ARL15: variants seen among roughly 807,000 people sequenced by gnomAD.
ARL15 encodes ARF like GTPase 15.
In ARL15, 19 loss-of-function variants were observed where a neutral mutation model predicts 25.2. The observed-to-expected ratio is 0.75, with a 90% confidence interval of 0.53 to 1.10. The LOEUF is 1.10. ARL15 is among the 50% of genes least tolerant of loss of function. ARL15 has a pLI of 0.00. For synonymous variants in ARL15, 94 were observed against 86.8 expected (o/e 1.08, Z -0.46); for missense variants, 220 against 246.0 (o/e 0.89, Z 0.71).
intron 4 of ARL15, among the ~76,000 whole-genome samples, chr5:54,006,812 G>A (rs988967284): frequency 6.6e-6 from 1 of 151,994 alleles, no homozygotes; most frequent in South Asian, 2.1e-4. Flanking sequence ...TAAAACAGGC[G>A]GGGTGCGGTG....
intron 4 of ARL15, among the ~76,000 whole-genome samples, chr5:53,926,256 C>T (rs1051655339): frequency 5.3e-5 from 8 of 151,978 alleles, no homozygotes; most frequent in Non-Finnish European, 1.2e-4. Flanking sequence ...TGCAGAGATG[C>T]GGGCAGGAGG....
intron 3 of ARL15, among the ~76,000 whole-genome samples, chr5:54,125,976 T>G (rs1260648229): frequency 6.6e-6 from 1 of 152,110 alleles, no homozygotes; most frequent in Non-Finnish European, 1.5e-5. Flanking sequence ...ATTAAAAAAA[T>G]TGCTATGAGG....
chr5:54,182,364 T>C (rs1755084585), intron 1 of ARL15, among the ~76,000 whole-genome samples: 2 of 134,898 alleles, frequency 1.5e-5, no homozygotes, highest in African/African-American at 5.6e-5. Flanking sequence ...GCTTTCTACA[T>C]ATGGCTAGCC....
chr5:54,175,326 T>A (rs1208013572), intron 1 of ARL15, among the ~76,000 whole-genome samples: 1 of 151,470 alleles, frequency 6.6e-6, no homozygotes, highest in Non-Finnish European at 1.5e-5. Flanking sequence ...TCTTTTCTCT[T>A]CTTTCTTTCT....
chr5:54,258,753 T>G (rs910728184), intron 1 of ARL15, among the ~76,000 whole-genome samples: 1 of 152,034 alleles, frequency 6.6e-6, no homozygotes, highest in Non-Finnish European at 1.5e-5. Context: ...AGATTCTCCC[T>G]AAGATTCAGT....
chr5:54,208,318 C>G, intron 1 of ARL15, among the ~76,000 whole-genome samples: 1 of 152,012 alleles, frequency 6.6e-6, no homozygotes, highest in East Asian at 1.9e-4. Context: ...AGACAGAAAC[C>G]TAACACAGGA....
chr5:54,212,633 G>A (rs1007116695), intron 1 of ARL15, among the ~76,000 whole-genome samples: 6 of 152,194 alleles, frequency 3.9e-5, no homozygotes, highest in Non-Finnish European at 8.8e-5. Flanking sequence ...GCTATTGGGT[G>A]TACAATGAAC....
At chr5:54,007,324 T>C (rs1749078605) in intron 4 of ARL15, among the ~76,000 whole-genome samples, 1 of 152,134 alleles carries the variant, frequency 6.6e-6, no homozygotes. Context: ...GCCAATGGTG[T>C]TTTGATAAAC....
At chr5:53,973,346 G>A (rs1180905530) in intron 4 of ARL15, among the ~76,000 whole-genome samples, 1 of 152,120 alleles carries the variant, frequency 6.6e-6, no homozygotes, top group African/African-American at 2.4e-5. Flanking sequence ...AGCCGAGGCA[G>A]GTGGATCACC....
intron 3 of ARL15, among the ~76,000 whole-genome samples, chr5:54,128,006 A>G (rs1753315786): frequency 1.3e-5 from 2 of 151,398 alleles, no homozygotes; most frequent in Admixed American, 1.3e-4. Flanking sequence ...TACACCTTAT[A>G]CAAAAATTAA....
chr5:54,033,019 T>C (rs551959425), intron 4 of ARL15, among the ~76,000 whole-genome samples: 13 of 150,680 alleles, frequency 8.6e-5, no homozygotes, highest in African/African-American at 2.2e-4. Flanking sequence ...TCTACAGCTA[T>C]ATAAGGTTAA....
chr5:54,040,670 T>A (rs1270223547), intron 4 of ARL15, among the ~76,000 whole-genome samples: 3 of 152,204 alleles, frequency 2.0e-5, no homozygotes, highest in African/African-American at 7.2e-5. Flanking sequence ...AGTGTTATAA[T>A]GAAGTTTAGT....
At chr5:54,139,126 G>T (rs962883780) in intron 3 of ARL15, among the ~76,000 whole-genome samples, 2 of 152,036 alleles carry the variant, frequency 1.3e-5, no homozygotes, top group African/African-American at 4.8e-5. Flanking sequence ...AGAACTAAAG[G>T]TATATCTACC....
chr5:54,075,360 G>A (rs1751562002), intron 4 of ARL15, among the ~76,000 whole-genome samples: 1 of 152,132 alleles, frequency 6.6e-6, no homozygotes. Flanking sequence ...TAAAGTTTTA[G>A]TGAATACTAC....
At chr5:54,212,596 A>G (rs1756074866) in intron 1 of ARL15, among the ~76,000 whole-genome samples, 1 of 152,230 alleles carries the variant, frequency 6.6e-6, no homozygotes, top group Non-Finnish European at 1.5e-5. Context: ...GCCTCAGACC[A>G]GGGTATTTTA....
intron 4 of ARL15, among the ~76,000 whole-genome samples, chr5:53,992,891 A>G (rs1050255808): frequency 6.6e-6 from 1 of 152,146 alleles, no homozygotes; most frequent in Admixed American, 6.5e-5. Flanking sequence ...TACTAAAAAT[A>G]TAAAATTAGC....
At chr5:54,043,266 T>C (rs1350864928) in intron 4 of ARL15, among the ~76,000 whole-genome samples, 1 of 152,166 alleles carries the variant, frequency 6.6e-6, no homozygotes, top group Admixed American at 6.5e-5. Context: ...CTTTCCCATA[T>C]ACAATTACCT....
intron 4 of ARL15, among the ~76,000 whole-genome samples, chr5:53,997,611 T>C (rs1748723901): frequency 6.6e-6 from 1 of 152,048 alleles, no homozygotes; most frequent in South Asian, 2.1e-4. Flanking sequence ...GGATAAAAAG[T>C]GTTCTCTAAG....
Position 54,174,209 on chromosome 5 carries a change from T to C in ARL15, c.49-2281A>G, listed in dbSNP as rs532526922. On this transcript the variant is annotated intron_variant, in intron 1 of 4. Transcript: ENST00000504924. ...TTGTTGAATGAAGAATGAACGACAC[T>C]TAAATTTTACCTAAGCAAAGAAAAA... Among the ~76,000 whole-genome samples the C allele has an allele frequency of 2.0e-5, 3 of 152,282 alleles. No individual in the cohort carries two copies. The East Asian group carries it at 5.8e-4, about 29-fold the overall frequency.
Sources: allele counts gnomAD v4.1 joint callset (sites outside exome capture counted in the v4.1 genomes callset), GRCh38; gene constraint gnomAD v4.1.1; transcripts MANE v1.5; gene names NCBI Gene and HGNC (gene_info 2026-07-23, HGNC 2026-07-21).